The following ULK4 variants were observed in gnomAD, a reference collection of about 807,000 sequenced individuals.
ULK4 encodes the protein unc-51 like kinase 4, also known as inactive serine/threonine-protein kinase ULK4.
A neutral mutation model predicts 160.6 loss-of-function variants in ULK4; 133 were observed. That is an observed-to-expected ratio of 0.83 (90% CI 0.72 to 0.96). ULK4 has a LOEUF of 0.96. Ranked by LOEUF, ULK4 falls within the 40% of genes least tolerant of loss-of-function variation. The pLI is 0.00. For missense variants in ULK4, 1,580 were observed against 1,499.5 expected (o/e 1.05, Z -0.89); for synonymous variants, 534 against 539.8 (o/e 0.99, Z 0.15).
chr3:41,527,911 G>A (rs1364929742), intron 32 of ULK4, among the ~76,000 whole-genome samples: 1 of 152,132 alleles, frequency 6.6e-6, no homozygotes, highest in Non-Finnish European at 1.5e-5. Context: ...CCTTAAAGAA[G>A]ATGAGAAGAT....
intron 16 of ULK4, among the ~76,000 whole-genome samples, chr3:41,891,445 T>C (rs547117489): frequency 1.2e-5 from 1 of 82,794 alleles, no homozygotes; most frequent in African/African-American, 4.2e-5. Context: ...AGGCCTGAAA[T>C]GAAAAGAAAA....
Position 41,564,808 on chromosome 3 carries a change from T to G in ULK4, c.3226+1217A>C, listed in dbSNP as rs181068718. Among the ~76,000 whole-genome samples, 638 of 152,018 alleles carry G rather than the reference T, an allele frequency of 4.2e-3. 4 individuals are homozygous for G. The highest frequency in any genetic ancestry group is 0.014 in the African/African-American group (596 of 41,456). On this transcript the variant is annotated intron_variant, in intron 32 of 36. Transcript: ENST00000301831. ...TCGAGTGTAACCTAAGTGTACAGGGTTTATAAAGTCTACAGTAGTGTACAG... is the reference window on the plus strand; with the variant it reads ...TCGAGTGTAACCTAAGTGTACAGGGGTTATAAAGTCTACAGTAGTGTACAG...
Position 41,424,740 on chromosome 3 carries a change from C to T in ULK4, c.3493-26476G>A, listed in dbSNP as rs546510701. On this transcript the variant is annotated intron_variant, in intron 34 of 36. Coordinates refer to ENST00000301831, the MANE Select transcript of ULK4 (RefSeq NM_017886.4). ...AAATAGAAAGCAATAACAACAACAG[C>T]ATCAACAGGAAACTCCCCACAAAAA... Among the ~76,000 whole-genome samples the T allele has an allele frequency of 1.3e-4, 19 of 148,878 alleles. No homozygotes were observed. In the East Asian group the frequency reaches 3.2e-3, roughly 25 times the overall value.
intron 27 of ULK4, among the ~76,000 whole-genome samples, chr3:41,693,335 G>A (rs566892992): frequency 1.3e-5 from 2 of 152,296 alleles, no homozygotes; most frequent in African/African-American, 4.8e-5. Flanking sequence ...GATTAAACCA[G>A]TAAATCGCAA....
intron 32 of ULK4, among the ~76,000 whole-genome samples, chr3:41,549,185 T>A (rs988311755): frequency 1.9e-4 from 29 of 152,290 alleles, no homozygotes; most frequent in Admixed American, 6.5e-4. Context: ...AATTGTCTAG[T>A]AACAGATCCC....
intron 27 of ULK4, among the ~76,000 whole-genome samples, chr3:41,687,239 G>A (rs1441992184): frequency 6.6e-6 from 1 of 152,070 alleles, no homozygotes; most frequent in African/African-American, 2.4e-5. Flanking sequence ...TGGGTATGGT[G>A]GCGCACGCCT....
At chr3:41,431,304 C>T (rs1180646894) in intron 34 of ULK4, among the ~76,000 whole-genome samples, 1 of 151,146 alleles carries the variant, frequency 6.6e-6, no homozygotes, top group Admixed American at 6.6e-5. Context: ...ACCAAGATCG[C>T]GCCGCTGCAC....
chr3:41,658,417 C>T (rs1472544383), intron 30 of ULK4, among the ~76,000 whole-genome samples: 5 of 152,150 alleles, frequency 3.3e-5, no homozygotes, highest in African/African-American at 1.2e-4. Flanking sequence ...TTGGAAATCG[C>T]TTGCTTAAAT....
chr3:41,788,691 A>G (rs925960709), intron 21 of ULK4, among the ~76,000 whole-genome samples: 3 of 147,460 alleles, frequency 2.0e-5, no homozygotes, highest in Non-Finnish European at 3.0e-5. Context: ...CTCCATCTCA[A>G]AAAAAAAAGA....
In ULK4 at chr3:41,506,767, A is replaced by AAAAAAAAAAAAAAAAAAAAAATAT; in HGVS notation, c.3227-43515_3227-43514insATATTTTTTTTTTTTTTTTTTTTT. ...AGCAATACACTGGAGTGTGATTTAA[A>AAAAAAAAAAAAAAAAAAAAAATAT]ATATATATATATATATATATATATA... On this transcript the variant is annotated intron_variant, in intron 32 of 36. Coordinates refer to ENST00000301831, the MANE Select transcript of ULK4 (RefSeq NM_017886.4). Among the ~76,000 whole-genome samples the AAAAAAAAAAAAAAAAAAAAAATAT allele has an allele frequency of 1.3e-3, 72 of 56,788 alleles. 3 individuals carry two copies. The highest frequency in any genetic ancestry group is 1.8e-3 in the Non-Finnish European group (58 of 31,980). 37.3% of individuals were successfully genotyped at this position (56,788 alleles called of 152,430 possible).
chr3:41,961,570 C>G (rs1036226680), intron 1 of ULK4, among the ~76,000 whole-genome samples: 2 of 134,922 alleles, frequency 1.5e-5, no homozygotes, highest in East Asian at 2.1e-4. Flanking sequence ...CCCCCCCCCC[C>G]GCTCCCCAGG....
chr3:41,858,134 G>GTTTT (rs1291174630), intron 17 of ULK4, among the ~76,000 whole-genome samples: 1 of 108,820 alleles, frequency 9.2e-6, no homozygotes, highest in Admixed American at 8.8e-5. Context: ...ATCCCATAGG[G>GTTTT]TTTTTTTTGT....
At chr3:41,349,723 C>T (rs948832283) in intron 35 of ULK4, among the ~76,000 whole-genome samples, 2 of 152,130 alleles carry the variant, frequency 1.3e-5, no homozygotes, top group Non-Finnish European at 2.9e-5. Context: ...AAACATAAAA[C>T]TCTGATTTCC....
At chr3:41,776,815 T>A (rs930348676) in intron 21 of ULK4, among the ~76,000 whole-genome samples, 5 of 88,776 alleles carry the variant, frequency 5.6e-5, no homozygotes, top group African/African-American at 2.7e-4. Context: ...GCTGCTGGAT[T>A]CGGTTTGCCA....
At chr3:41,789,396 A>C (rs1011240685) in intron 21 of ULK4, among the ~76,000 whole-genome samples, 1 of 152,216 alleles carries the variant, frequency 6.6e-6, no homozygotes, top group Non-Finnish European at 1.5e-5. Flanking sequence ...GCCAGCATAT[A>C]GGAAGGACTG....
intron 17 of ULK4, among the ~76,000 whole-genome samples, chr3:41,862,738 T>C (rs989431622): frequency 1.3e-5 from 2 of 151,868 alleles, no homozygotes; most frequent in African/African-American, 4.8e-5. Flanking sequence ...CCTTACTTTC[T>C]CCCGAACATA....
intron 34 of ULK4, among the ~76,000 whole-genome samples, chr3:41,398,778 C>T (rs1027624051): frequency 6.6e-6 from 1 of 151,970 alleles, no homozygotes; most frequent in Non-Finnish European, 1.5e-5. Context: ...GTCCTATATT[C>T]TTCTTTTTAA....
intron 29 of ULK4, among the ~76,000 whole-genome samples, chr3:41,675,801 T>C (rs186076087): frequency 3.3e-5 from 5 of 152,296 alleles, no homozygotes; most frequent in African/African-American, 1.2e-4. Flanking sequence ...AGGCACAGAA[T>C]GGATTCTCCC....
At chr3:41,833,750 G>C (rs774680422) in intron 18 of ULK4, among the ~76,000 whole-genome samples, 2 of 152,104 alleles carry the variant, frequency 1.3e-5, no homozygotes, top group Non-Finnish European at 2.9e-5. Context: ...AGCTTAAGGA[G>C]TTTTTGGGCT....
Sources: gnomAD v4.1 joint callset for allele counts (sites outside exome capture counted in the v4.1 genomes callset) on GRCh38, gnomAD v4.1.1 for gene constraint, MANE v1.5 for transcripts, NCBI Gene and HGNC (gene_info 2026-07-23, HGNC 2026-07-21) for gene names.